TRPM6: variants seen among roughly 807,000 people sequenced by gnomAD.
TRPM6 encodes the protein channel kinase 2.
A neutral mutation model predicts 247.6 loss-of-function variants in TRPM6; 111 were observed. The observed-to-expected ratio is 0.45, with a 90% CI of 0.38 to 0.52. TRPM6 has a LOEUF of 0.52. Among genes scored for constraint, TRPM6 ranks in the 20% least tolerant of loss-of-function variants. The pLI is 0.00. For synonymous variants in TRPM6, 892 were observed against 853.8 expected, an observed-to-expected ratio of 1.04 and a Z score of -0.78; for missense variants, 2,126 against 2,421.5, an observed-to-expected ratio of 0.88 and a Z score of 2.56.
intron 25 of TRPM6, among the ~76,000 whole-genome samples, chr9:74,763,610 AAG>A (rs1826727408): frequency 6.6e-6 from 1 of 152,226 alleles, no homozygotes; most frequent in South Asian, 2.1e-4. Flanking sequence ...AATTAAGAAA[AAG>A]AAAAAAAACA....
At chr9:74,778,517 G>A (rs1827305172) in intron 23 of TRPM6, among the ~76,000 whole-genome samples, 1 of 152,214 alleles carries the variant, frequency 6.6e-6, no homozygotes, top group East Asian at 1.9e-4. Context: ...TCAAAGCAAT[G>A]TTCCACTGAT....
Position 74,752,379 on chromosome 9 carries a change from G to A in TRPM6, c.4907-11C>T. On this transcript the variant is annotated splice_polypyrimidine_tract_variant and intron_variant, in intron 28 of 38. Coordinates refer to ENST00000360774, the MANE Select transcript of TRPM6 (RefSeq NM_017662.5). Reference sequence around the variant, plus strand: ...TGTAAGGTTCTACACCTTGTAAAGAGGAAGAGAAAGATTAGAAAATACATG... The same window carrying A: ...TGTAAGGTTCTACACCTTGTAAAGAAGAAGAGAAAGATTAGAAAATACATG... 7.0e-7 allele frequency: 1 copy of A among 1,434,960 alleles called. No homozygotes were observed. The highest frequency in any genetic ancestry group is 9.7e-7 in the Non-Finnish European group (1 of 1,029,468). The allele number at this position is 1,434,960 out of a possible 1,614,324, so 88.9% of individuals were successfully genotyped here.
At chr9:74,808,939 G>C (rs17060538) in intron 13 of TRPM6, among the ~76,000 whole-genome samples, 40,263 of 152,014 alleles carry the variant, frequency 0.26, 5,641 homozygotes, top group African/African-American at 0.36. Context: ...AATCCACTTT[G>C]CCTATGGTCC....
rs192768747 is a variant in TRPM6 at position 74,885,054 on chromosome 9, T to C, written c.33+2770A>G. Among the ~76,000 whole-genome samples, 11 of 152,310 alleles carry C rather than the reference T, an allele frequency of 7.2e-5. No homozygotes were observed. In the East Asian group the frequency reaches 1.7e-3, roughly 24 times the overall value. On this transcript the variant is annotated intron_variant, in intron 1 of 38. Coordinates refer to ENST00000360774, the MANE Select transcript of TRPM6 (RefSeq NM_017662.5). ...AAAATTGATTCAAATAGCTGTTGCA[T>C]TGGACATCTTGAGGGAAGATTTAGA...
At chr9:74,752,205 T>C (rs939893454) in intron 29 of TRPM6, 72 bp downstream of exon 29, 27 of 844,696 alleles carry the variant, frequency 3.2e-5, no homozygotes, top group Non-Finnish European at 5.3e-5. Context: ...GACATAAAGG[T>C]AAAATGGGCG....
At chr9:74,820,268 C>A in intron 9 of TRPM6, 36 bp downstream of exon 9, 1 of 1,607,604 alleles carries the variant, frequency 6.2e-7, no homozygotes, top group Non-Finnish European at 8.5e-7. Context: ...ATTAGCAGTT[C>A]TTAAGTCAGT....
chr9:74,807,600 C>T (rs777585844), intron 14 of TRPM6, among the ~76,000 whole-genome samples: 6 of 152,136 alleles, frequency 3.9e-5, no homozygotes, highest in Non-Finnish European at 8.8e-5. Flanking sequence ...ATAATCACTA[C>T]ATGCTTATAC....
At chr9:74,849,112 G>T (rs942766398) in intron 3 of TRPM6, among the ~76,000 whole-genome samples, 27 of 152,194 alleles carry the variant, frequency 1.8e-4, no homozygotes, top group Non-Finnish European at 4.0e-4. Flanking sequence ...CACTTCGGGA[G>T]GCCGAGGTGG....
At chr9:74,860,420 G>T (rs950243718) in intron 1 of TRPM6, among the ~76,000 whole-genome samples, 1 of 151,894 alleles carries the variant, frequency 6.6e-6, no homozygotes, top group South Asian at 2.1e-4. Context: ...GCAATCTGGC[G>T]CAATCTCGGC....
intron 17 of TRPM6, among the ~76,000 whole-genome samples, chr9:74,798,630 A>G (rs1587518003): frequency 6.6e-6 from 1 of 152,106 alleles, no homozygotes; most frequent in Admixed American, 6.6e-5. Flanking sequence ...ATCTCTCTAC[A>G]TGGTTTTCCT....
rs779396417 is a variant in TRPM6, at chr9:74,782,781, T to C, written c.2992A>G (p.Ile998Val). ...LLSFGVARKA[I>V]LSPKEPPSWS... is the part of the protein sequence containing the mutation. ...GATGGTGGCTCTTTTGGCGAAAGGA[T>C]GGCCTTGCGTGCCACTCCAAAGCTC... The change falls in exon 22 of 39, where the codon ATC (isoleucine) becomes GTC (valine). Residue 998 changes from isoleucine to valine, a missense_variant. Ile to Val is a conservative substitution (Grantham distance 29). Around this residue, in one of 3 missense-constraint regions of TRPM6, gnomAD observed 1,082 missense variants for 1,307.9 expected, o/e 0.83. Coordinates refer to ENST00000360774, the MANE Select transcript of TRPM6 (RefSeq NM_017662.5). 6.2e-7 allele frequency: 1 copy of C among 1,614,182 alleles called. No homozygotes were observed. The highest frequency in any genetic ancestry group is 8.5e-7 in the Non-Finnish European group (1 of 1,180,022).
intron 38 of TRPM6, among the ~76,000 whole-genome samples, chr9:74,726,378 C>T (rs531857483): frequency 1.2e-4 from 18 of 152,064 alleles, no homozygotes; most frequent in African/African-American, 2.9e-4. Flanking sequence ...GGCGTGGTGG[C>T]GGGCGCCTGT....
At chr9:74,811,756 A>C (rs1457830721) in intron 12 of TRPM6, among the ~76,000 whole-genome samples, 1 of 152,254 alleles carries the variant, frequency 6.6e-6, no homozygotes, top group Non-Finnish European at 1.5e-5. Flanking sequence ...TAAGCTGATC[A>C]ATAAATAATT....
intron 19 of TRPM6, among the ~76,000 whole-genome samples, chr9:74,790,142 T>C (rs1457017522): frequency 6.6e-6 from 1 of 152,080 alleles, no homozygotes; most frequent in Non-Finnish European, 1.5e-5. Context: ...TCTGCACAGA[T>C]AACATAGAGA....
At chr9:74,747,821 A>G in intron 31 of TRPM6, 68 bp downstream of exon 31, 2 of 1,280,890 alleles carry the variant, frequency 1.6e-6, no homozygotes, top group Non-Finnish European at 2.2e-6. Flanking sequence ...AAATATCAGC[A>G]GGACAGTGAA....
chr9:74,821,045 A>G (rs569008141), intron 8 of TRPM6, among the ~76,000 whole-genome samples: 28 of 152,358 alleles, frequency 1.8e-4, no homozygotes, highest in African/African-American at 5.8e-4. Context: ...GAGCTGTTAC[A>G]GTATAAGCAG....
chr9:74,839,224 T>G (rs1475717), intron 5 of TRPM6, among the ~76,000 whole-genome samples: 136,266 of 152,104 alleles, frequency 0.9, 61,117 homozygotes, highest in Middle Eastern at 0.94. Context: ...CAGAAGCTCC[T>G]GACTAAAAGC....
intron 20 of TRPM6, 139 bp from the exon 21 acceptor site, chr9:74,786,264 G>A: frequency 1.1e-6 from 1 of 871,422 alleles, no homozygotes; most frequent in African/African-American, 1.7e-5. Flanking sequence ...GCGGATTTCA[G>A]AGACTTAAGT....
At chr9:74,875,722 G>A (rs1831176440) in intron 1 of TRPM6, among the ~76,000 whole-genome samples, 1 of 152,086 alleles carries the variant, frequency 6.6e-6, no homozygotes, top group African/African-American at 2.4e-5. Flanking sequence ...TGACCTTGGG[G>A]TGAAAGAGCA....
Sources: allele counts gnomAD v4.1 joint callset (sites outside exome capture counted in the v4.1 genomes callset), GRCh38; gene constraint gnomAD v4.1.1; regional missense constraint gnomAD v4.1.1; transcripts MANE v1.5; gene names NCBI Gene and HGNC (gene_info 2026-07-23, HGNC 2026-07-21).